Variants in PHF20L1 observed in about 807,000 individuals in gnomAD.
The protein encoded by PHF20L1 is PHD finger protein 20-like protein 1.
PHF20L1 carries 44 observed loss-of-function variants against 125.5 expected under a neutral mutation model. That is an observed-to-expected ratio of 0.35 (90% CI 0.28 to 0.45). The LOEUF is 0.45. Among genes scored for constraint, PHF20L1 ranks in the 20% least tolerant of loss-of-function variants. PHF20L1 has a pLI of 1.00. For missense variants in PHF20L1, 1,012 were observed against 1,217.2 expected, an observed-to-expected ratio of 0.83 and a Z score of 2.51; for synonymous variants, 380 against 403.1, an observed-to-expected ratio of 0.94 and a Z score of 0.69.
intron 4 of PHF20L1, among the ~76,000 whole-genome samples, chr8:132,798,378 A>G (rs1276856445): frequency 1.2e-4 from 19 of 152,036 alleles, no homozygotes. Context: ...CCTTCTCTGT[A>G]TTACTTCTTT....
rs998734964 is a variant in PHF20L1 at position 132,825,095 on chromosome 8, G to A, written c.1637-169G>A. The A allele has an allele frequency of 3.3e-6, 5 of 1,520,738 alleles. No homozygotes were observed. The African/African-American group carries it at 4.1e-5, about 13-fold the overall frequency. 94.2% of individuals were successfully genotyped at this position (1,520,738 alleles called of 1,614,324 possible). On this transcript the variant is annotated intron_variant, in intron 13 of 20. Coordinates refer to ENST00000395386, the MANE Select transcript of PHF20L1 (RefSeq NM_016018.5). ...AAGATCCCCTCTTATAGTCCAATAA[G>A]CTTATCAGGACTTCCAGAGTCATGA...
At chr8:132,776,179 T>C (rs1029508184) in intron 1 of PHF20L1, among the ~76,000 whole-genome samples, 1 of 152,140 alleles carries the variant, frequency 6.6e-6, no homozygotes, top group African/African-American at 2.4e-5. Flanking sequence ...TTAATTCAAA[T>C]CCCTCTTCAT....
intron 4 of PHF20L1, among the ~76,000 whole-genome samples, 184 bp downstream of exon 4, chr8:132,795,001 G>C (rs993513154): frequency 1.3e-5 from 2 of 152,082 alleles, no homozygotes; most frequent in Non-Finnish European, 2.9e-5. Flanking sequence ...TATATGGTTT[G>C]CTACCTAAGT....
At chr8:132,825,084 T>C (rs1158505641) in intron 13 of PHF20L1, 180 bp from the exon 14 acceptor site, 2 of 1,508,746 alleles carry the variant, frequency 1.3e-6, no homozygotes, top group Non-Finnish European at 1.8e-6. Flanking sequence ...TCCCCTCTTA[T>C]AGTCCAATAA....
chr8:132,780,423 A>G (rs1348481938), intron 2 of PHF20L1, among the ~76,000 whole-genome samples: 1 of 152,188 alleles, frequency 6.6e-6, no homozygotes, highest in Non-Finnish European at 1.5e-5. Flanking sequence ...ATTAAGTAAA[A>G]TTATAGAATT....
chr8:132,805,542 G>C (rs1833587189), intron 8 of PHF20L1, among the ~76,000 whole-genome samples: 2 of 151,958 alleles, frequency 1.3e-5, no homozygotes, highest in African/African-American at 4.8e-5. Flanking sequence ...TCATGATTTA[G>C]TCATATGTTC....
intron 14 of PHF20L1, among the ~76,000 whole-genome samples, chr8:132,831,956 A>G (rs1389244032): frequency 1.3e-5 from 2 of 152,070 alleles, no homozygotes; most frequent in African/African-American, 2.4e-5. Context: ...AAAATGTGAA[A>G]TAATCCTTTT....
chr8:132,814,395 G>A (rs1430107043), intron 9 of PHF20L1, among the ~76,000 whole-genome samples: 3 of 151,714 alleles, frequency 2.0e-5, no homozygotes, highest in Non-Finnish European at 2.9e-5. Context: ...AAAATATTAT[G>A]AATAATATAT....
At chr8:132,808,893 T>C (rs948814727) in intron 8 of PHF20L1, 1 of 151,310 alleles carries the variant, frequency 6.6e-6, no homozygotes, top group African/African-American at 2.4e-5. Context: ...TTTTTTAATA[T>C]AGAGATGGGG....
chr8:132,831,577 G>A (rs1836786663), intron 14 of PHF20L1, among the ~76,000 whole-genome samples: 2 of 151,988 alleles, frequency 1.3e-5, no homozygotes, highest in South Asian at 4.1e-4. Flanking sequence ...CCAGACATCA[G>A]GAGAACCTCT....
chr8:132,817,144 A>G, intron 11 of PHF20L1, 68 bp downstream of exon 11: 7 of 1,015,168 alleles, frequency 6.9e-6, no homozygotes, highest in Non-Finnish European at 9.8e-6. Context: ...AGAGATAAAG[A>G]TTATTAAAAT....
At chr8:132,828,895 A>C (rs979949923) in intron 14 of PHF20L1, among the ~76,000 whole-genome samples, 2 of 152,072 alleles carry the variant, frequency 1.3e-5, no homozygotes, top group African/African-American at 4.8e-5. Flanking sequence ...GGAGCTTGTA[A>C]GTCATTGAAG....
In PHF20L1 at chr8:132,837,700, T is replaced by G. The variant is rs1685670386; in HGVS notation, c.2092-12T>G. The stretch of plus-strand genomic sequence containing the variant: ...GGATCGGGTGACTGTAATACTCCTC[T>G]GTTTTCTGCAGTGTGAAGAGTGCTT... On this transcript the variant is annotated splice_polypyrimidine_tract_variant and intron_variant, in intron 16 of 20. Transcript: ENST00000395386. 6.2e-7 allele frequency: 1 copy of G among 1,602,482 alleles called. No individual in the cohort carries two copies. The highest frequency in any genetic ancestry group is 1.7e-5 in the Admixed American group (1 of 59,838).
intron 13 of PHF20L1, chr8:132,824,982 A>G (rs757986515): frequency 4.5e-6 from 6 of 1,339,754 alleles, no homozygotes; most frequent in Non-Finnish European, 6.0e-6. Flanking sequence ...ACATCAGGAA[A>G]TTGAGAATAT....
intron 12 of PHF20L1, among the ~76,000 whole-genome samples, chr8:132,822,916 T>C (rs192375724): frequency 6.6e-6 from 1 of 152,092 alleles, no homozygotes; most frequent in East Asian, 1.9e-4. Context: ...TAAAGCATAA[T>C]TTAATAGACT....
chr8:132,825,145 C>A (rs1332688970), intron 13 of PHF20L1, 119 bp from the exon 14 acceptor site: 10 of 1,552,110 alleles, frequency 6.4e-6, no homozygotes, highest in Non-Finnish European at 8.8e-6. Flanking sequence ...TTGAACCCAT[C>A]CACTCTGGGC....
intron 19 of PHF20L1, chr8:132,843,867 A>G (rs1035568057): frequency 4.2e-5 from 41 of 985,118 alleles, no homozygotes; most frequent in African/African-American, 1.2e-4. Flanking sequence ...CAGGAATTCT[A>G]ATTACACAAT....
At chr8:132,791,177 A>G (rs1831645501) in intron 2 of PHF20L1, among the ~76,000 whole-genome samples, 1 of 152,122 alleles carries the variant, frequency 6.6e-6, no homozygotes, top group Admixed American at 6.5e-5. Flanking sequence ...CGTACCTGCA[A>G]TAGTAAATAT....
intron 14 of PHF20L1, 92 bp downstream of exon 14, chr8:132,825,463 G>A: frequency 6.8e-6 from 7 of 1,032,954 alleles, no homozygotes; most frequent in Non-Finnish European, 8.0e-6. Context: ...GTCATGACAC[G>A]ATCCCCGTGT....
Sources: gnomAD v4.1 joint callset for allele counts (sites outside exome capture counted in the v4.1 genomes callset) on GRCh38, gnomAD v4.1.1 for gene constraint, MANE v1.5 for transcripts, NCBI Gene and HGNC (gene_info 2026-07-23, HGNC 2026-07-21) for gene names.